Variants in PLA2G4B observed in about 807,000 individuals in gnomAD.
The protein encoded by PLA2G4B is cytosolic phospholipase A2 beta.
A neutral mutation model predicts 95.8 loss-of-function variants in PLA2G4B; 122 were observed. The ratio of observed to expected loss-of-function variants is 1.27; its 90% CI spans 1.10 to 1.48. The LOEUF (loss-of-function observed/expected upper bound fraction) is 1.48. PLA2G4B is among the 40% of genes most tolerant of loss of function. The pLI, the probability that PLA2G4B is intolerant of heterozygous loss-of-function variation, is 0.00. For synonymous variants in PLA2G4B, 518 were observed against 421.5 expected, an observed-to-expected ratio of 1.23 and a Z score of -2.80; for missense variants, 1,158 against 996.2, an observed-to-expected ratio of 1.16 and a Z score of -2.19.
rs775600998 is a variant in PLA2G4B at position 41,840,607 on chromosome 15, A to T, written c.166A>T (p.Ser56Cys). ...RLQTRTVKNS[S>C]SPVWNQSFHF... ...CCAGACACGCACGGTCAAGAACAGC[A>T]GTAGCCCTGTCTGGAACCAGAGCTT... The change falls in exon 3 of 20, where the codon AGT becomes TGT. Residue 56 changes from serine to cysteine, a missense_variant. Physicochemically the swap from Ser to Cys is moderately radical, Grantham distance 112. Transcript: ENST00000458483. 4.3e-6 allele frequency: 7 copies of T among 1,613,886 alleles called. No individual in the cohort carries two copies. Among genetic ancestry groups the T allele is most frequent in the Non-Finnish European group, 5.9e-6 (7 of 1,180,016 alleles).
At chr15:41,841,324 C>T (rs1282238671) in intron 6 of PLA2G4B, 51 bp downstream of exon 6, 2 of 1,611,350 alleles carry the variant, frequency 1.2e-6, no homozygotes, top group Non-Finnish European at 8.5e-7. Context: ...GGGACTCCCT[C>T]ATGCCAGCGA....
chr15:41,842,519 C>T (rs747596447), intron 9 of PLA2G4B, 35 bp from the exon 10 acceptor site: 25 of 1,611,270 alleles, frequency 1.6e-5, no homozygotes, highest in African/African-American at 8.0e-5. Flanking sequence ...TGGAGGTGGC[C>T]GACCTTTTGT....
In PLA2G4B at chr15:41,847,386, C is replaced by T. The variant is rs2065582442; in HGVS notation, c.1997C>T (p.Pro666Leu). The T allele has an allele frequency of 3.7e-6, 6 of 1,612,182 alleles. No homozygotes were observed. The highest frequency in any genetic ancestry group is 5.1e-6 in the Non-Finnish European group (6 of 1,179,564). Residue 666 changes from proline (P) to leucine (L), a missense_variant, in exon 19 of 20, where the codon CCA becomes CTA. Physicochemically the swap from Pro to Leu is moderately conservative, Grantham distance 98. Transcript: ENST00000458483. ...TGCCAGGAGCAGGGGATCCCGTTCC[C>T]ACCCATCTCGCCCAGCCCCGAAGAG... ...RFCQEQGIPF[P>L]PISPSPEEQL...
intron 14 of PLA2G4B, 28 bp from the exon 15 acceptor site, chr15:41,845,610 A>G (rs368967886): frequency 3.2e-5 from 52 of 1,613,672 alleles, no homozygotes; most frequent in Non-Finnish European, 4.4e-5. Flanking sequence ...GCTCTGCACC[A>G]TGAGGCTGAG....
At position 41,847,848 on chromosome 15, in the gene PLA2G4B, C is replaced by CAGGCCCCACTGATGGCCG. The variant is rs770190063; in HGVS notation, c.2335_*6dup. ...AGGCAGTGCAGCGGAGGCGGCAGCG[C>CAGGCCCCACTGATGGCCG]AGGCCCCACTGATGGCCGGGGCCCC... On this transcript the variant is annotated stop_gained and inframe_insertion, in exon 20 of 20. Coordinates refer to ENST00000458483, the MANE Select transcript of PLA2G4B (RefSeq NM_001114633.2). LOFTEE classifies it high-confidence loss of function. The CAGGCCCCACTGATGGCCG allele has an allele frequency of 1.9e-6, 3 of 1,612,654 alleles. No individual in the cohort carries two copies. Among genetic ancestry groups the CAGGCCCCACTGATGGCCG allele is most frequent in the Non-Finnish European group, 2.5e-6 (3 of 1,179,838 alleles).
At position 41,840,178 on chromosome 15, in the gene PLA2G4B, C is replaced by T; in HGVS notation, c.30C>T (p.Cys10=). ...TGCAGGCAGAGGTGTCCAGGACCTG[C>T]CTGCTCACGGTTCGTGTCCTGCAGG... is the stretch of plus-strand genomic sequence containing the variant. The part of the protein sequence containing the change: MAVAEVSRT[C]LLTVRVLQAH... The change falls in exon 2 of 20, where the codon TGC becomes TGT. Residue 10 remains cysteine (C), a synonymous_variant. Transcript: ENST00000458483. 1 of 1,613,260 alleles carries T rather than the reference C, an allele frequency of 6.2e-7. No homozygotes were observed. The highest frequency in any genetic ancestry group is 8.5e-7 in the Non-Finnish European group (1 of 1,179,996).
chr15:41,847,692 C>CCTGT lies in PLA2G4B; in HGVS notation c.2181_2184dup (p.Ser729ValfsTer72). On this transcript the variant is annotated frameshift_variant, in exon 20 of 20. Coordinates refer to ENST00000458483, the MANE Select transcript of PLA2G4B (RefSeq NM_001114633.2). LOFTEE classifies it low-confidence loss of function (END_TRUNC). ...AGGAGGCGGCAGCTGGGGAGGTGAA[C>CCTGT]CTGTCTTCATCGGACTCTCCCTACC... is the stretch of plus-strand genomic sequence containing the variant. 1 of 1,613,616 alleles carries CCTGT rather than the reference C, an allele frequency of 6.2e-7. No homozygotes were observed. The highest frequency in any genetic ancestry group is 1.1e-5 in the South Asian group (1 of 91,086).
In PLA2G4B at chr15:41,842,475, C is replaced by T. The variant is rs548188617; in HGVS notation, c.706-79C>T. On this transcript the variant is annotated intron_variant, in intron 9 of 19. Transcript: ENST00000458483. ...AGACGGTGGCGGGGCGGGGGTGGTG[C>T]GCCGGGGATCAGGGTAAGAGGACCA... 54 of 1,567,576 alleles carry T rather than the reference C, an allele frequency of 3.4e-5. No homozygotes were observed. The Middle Eastern group carries it at 6.3e-4, about 18-fold the overall frequency.
chr15:41,842,370 C>G, intron 9 of PLA2G4B, 94 bp downstream of exon 9: 4 of 1,574,152 alleles, frequency 2.5e-6, no homozygotes, highest in Non-Finnish European at 3.5e-6. Context: ...CTCCGTGGGT[C>G]ACACCCTGAG....
intron 7 of PLA2G4B, 94 bp from the exon 8 acceptor site, chr15:41,841,725 G>A: frequency 1.9e-6 from 3 of 1,573,754 alleles, no homozygotes; most frequent in Non-Finnish European, 2.6e-6. Flanking sequence ...CATTTCAGCG[G>A]GGAGAGGGAG....
chr15:41,838,907 C>T lies in PLA2G4B; in HGVS notation c.-7C>T. 6.3e-7 allele frequency: 1 copy of T among 1,596,326 alleles called. No homozygotes were observed. Among genetic ancestry groups the T allele is most frequent in the Admixed American group, 1.7e-5 (1 of 57,902 alleles). On this transcript the variant is annotated 5_prime_UTR_variant, in exon 1 of 20. Coordinates refer to ENST00000458483, the MANE Select transcript of PLA2G4B (RefSeq NM_001114633.2). The stretch of plus-strand genomic sequence containing the variant: ...CCCATCATTCCTGCTCCTGAGGACT[C>T]AGTCTCATGGCTGTGGTAAGGCCTG...
chr15:41,848,142 A>C lies in PLA2G4B; in HGVS notation c.*282A>C. On this transcript the variant is annotated 3_prime_UTR_variant, in exon 20 of 20. Transcript: ENST00000458483. The stretch of plus-strand genomic sequence containing the variant: ...ACTTGATACATCACAGACTCATACA[A>C]ATGTGAGGCGCTGAGACCATCTGTT... 2 of 559,280 alleles carry C rather than the reference A, an allele frequency of 3.6e-6. No homozygotes were observed. The highest frequency in any genetic ancestry group is 6.4e-6 in the Non-Finnish European group (2 of 312,788). 34.6% of individuals were successfully genotyped at this position (559,280 alleles called of 1,614,324 possible).
Position 41,838,917 on chromosome 15 carries a change from G to A in PLA2G4B, c.4G>A (p.Ala2Thr). M[A>T]VAEVSRTCLL... ...CTGCTCCTGAGGACTCAGTCTCATG[G>A]CTGTGGTAAGGCCTGGCAGGGCCCT... is the stretch of plus-strand genomic sequence containing the variant. Residue 2 changes from alanine (A) to threonine (T), a missense_variant, in exon 1 of 20, where the codon GCT becomes ACT. Physicochemically the swap from Ala to Thr is moderately conservative, Grantham distance 58 (BLOSUM62 0). Transcript: ENST00000458483. The A allele has an allele frequency of 6.3e-7, 1 of 1,595,368 alleles. No homozygotes were observed. The highest frequency in any genetic ancestry group is 8.5e-7 in the Non-Finnish European group (1 of 1,170,138).
chr15:41,844,325 C>G (rs770549114), intron 11 of PLA2G4B, 146 bp from the exon 12 acceptor site: 2 of 1,389,240 alleles, frequency 1.4e-6, no homozygotes, highest in Non-Finnish European at 2.0e-6. Flanking sequence ...TTCTGGCCCC[C>G]AGGGCTGACT....
chr15:41,847,732 A>AT lies in PLA2G4B; in HGVS notation c.2218_2219insT (p.Thr740IlefsTer60). ...CTCTCCCTACCACTACACGAAGGTG[A>AT]CCTACAGCCAGGAGGACGTGGACAA... is the stretch of plus-strand genomic sequence containing the variant. On this transcript the variant is annotated frameshift_variant, in exon 20 of 20. Coordinates refer to ENST00000458483, the MANE Select transcript of PLA2G4B (RefSeq NM_001114633.2). LOFTEE classifies it low-confidence loss of function (END_TRUNC). 6.2e-7 allele frequency: 1 copy of AT among 1,613,704 alleles called. No homozygotes were observed. The highest frequency in any genetic ancestry group is 1.3e-5 in the African/African-American group (1 of 75,054).
intron 1 of PLA2G4B, chr15:41,839,352 A>G: frequency 6.4e-6 from 1 of 155,654 alleles, no homozygotes; most frequent in Admixed American, 6.5e-5. Context: ...GTCCTTGTGG[A>G]GGCAGGTGGA....
chr15:41,844,761 C>A (rs1239449200), intron 12 of PLA2G4B, 87 bp from the exon 13 acceptor site: 4 of 1,537,110 alleles, frequency 2.6e-6, no homozygotes, highest in East Asian at 2.4e-5. Flanking sequence ...CCCTGCCAGG[C>A]CATTGTCCTA....
chr15:41,847,278 C>T lies in PLA2G4B; in HGVS notation c.1948-59C>T, dbSNP rs183701505. ...AGGTCCTGTGCATCTTACGTCAGCC[C>T]CAGTGTTGAGGATGCCAGGGGCCCT... On this transcript the variant is annotated intron_variant, in intron 18 of 19. Transcript: ENST00000458483. 4.6e-5 allele frequency: 70 copies of T among 1,536,186 alleles called. No homozygotes were observed. The African/African-American group carries it at 8.9e-4, about 20-fold the overall frequency.
At chr15:41,840,251 C>T (rs1184418927) in intron 2 of PLA2G4B, 21 bp downstream of exon 2, 14 of 1,611,866 alleles carry the variant, frequency 8.7e-6, no homozygotes, top group Non-Finnish European at 1.2e-5. Flanking sequence ...ACCGCCCTGG[C>T]CCCTGTGCTG....
Sources: allele counts gnomAD v4.1 joint callset, GRCh38; gene constraint gnomAD v4.1.1; transcripts MANE v1.5; gene names NCBI Gene and HGNC (gene_info 2026-07-23, HGNC 2026-07-21).